RFX7: variants seen among roughly 807,000 people sequenced by gnomAD.
RFX7 encodes DNA-binding protein RFX7.
Under a neutral mutation model 111.8 loss-of-function variants are expected in RFX7, and 26 were observed. The observed-to-expected ratio is 0.23, with a 90% CI of 0.17 to 0.32. The LOEUF (loss-of-function observed/expected upper bound fraction) is 0.32, where lower values mean the gene tolerates loss of function less well. RFX7 is among the 10% of genes least tolerant of loss of function. The probability of loss-of-function intolerance (pLI) is 1.00; values close to 1 mark genes in which losing one functional copy is unlikely to be tolerated. For missense variants in RFX7, 1,573 were observed against 1,772.9 expected (o/e 0.89, Z 2.02); for synonymous variants, 624 against 624.4 (o/e 1.00, Z 0.01).
chr15:56,243,815 G>A lies in RFX7; in HGVS notation c.-373C>T, dbSNP rs1348468010. 4.1e-5 allele frequency among the ~76,000 whole-genome samples: 6 copies of A among 146,994 alleles called. No individual in the cohort carries two copies. Among genetic ancestry groups the A allele is most frequent in the Non-Finnish European group, 9.1e-5 (6 of 66,068 alleles). On this transcript the variant is annotated 5_prime_UTR_variant, in exon 1 of 10. Transcript: ENST00000559447. ...GCCGCCGCCGCCGCCGCTCGCTCCC[G>A]GCCCCGCCGCCGCCGCGGCCGCCGC... is the stretch of plus-strand genomic sequence containing the variant.
intron 2 of RFX7, among the ~76,000 whole-genome samples, chr15:56,217,366 C>T (rs2043373101): frequency 6.6e-6 from 1 of 152,126 alleles, no homozygotes; most frequent in Admixed American, 6.5e-5. Context: ...AGAGCTTTCA[C>T]CCCTAGAACC....
chr15:56,235,731 A>G (rs1426870902), intron 2 of RFX7, among the ~76,000 whole-genome samples: 1 of 152,210 alleles, frequency 6.6e-6, no homozygotes, highest in Non-Finnish European at 1.5e-5. Context: ...TGCCCTTGCT[A>G]GAAATATCAC....
chr15:56,217,060 T>C (rs1427442452), intron 2 of RFX7, among the ~76,000 whole-genome samples: 1 of 152,198 alleles, frequency 6.6e-6, no homozygotes. Context: ...TTAGAAAGAA[T>C]AGTACAACCA....
chr15:56,167,537 T>G (rs1421558666), intron 3 of RFX7, among the ~76,000 whole-genome samples: 1 of 152,188 alleles, frequency 6.6e-6, no homozygotes, highest in African/African-American at 2.4e-5. Flanking sequence ...GCTTTACAAG[T>G]GTATTATGAC....
chr15:56,159,715 C>T (rs527569041), intron 3 of RFX7, among the ~76,000 whole-genome samples: 4 of 152,190 alleles, frequency 2.6e-5, no homozygotes, highest in African/African-American at 7.2e-5. Flanking sequence ...ACTAATTTTT[C>T]GGTGTTCCTG....
intron 2 of RFX7, among the ~76,000 whole-genome samples, chr15:56,186,578 C>CT (rs1383313501): frequency 2.0e-5 from 3 of 151,762 alleles, no homozygotes; most frequent in Admixed American, 1.3e-4. Context: ...GTCTAGGAGT[C>CT]TTTTATTATA....
chr15:56,105,596 A>C (rs542085204), intron 5 of RFX7, among the ~76,000 whole-genome samples: 1 of 152,306 alleles, frequency 6.6e-6, no homozygotes, highest in Non-Finnish European at 1.5e-5. Context: ...TTGAGAGATA[A>C]TATATCCATT....
At chr15:56,111,228 T>C (rs1217942112) in intron 5 of RFX7, among the ~76,000 whole-genome samples, 5 of 147,594 alleles carry the variant, frequency 3.4e-5, no homozygotes, top group Admixed American at 6.8e-5. Flanking sequence ...GGGGAAAAGA[T>C]TGAGAAATCG....
chr15:56,191,287 AT>A (rs1158076407), intron 2 of RFX7, among the ~76,000 whole-genome samples: 3 of 152,222 alleles, frequency 2.0e-5, no homozygotes, highest in African/African-American at 7.2e-5. Flanking sequence ...ATATATGAAA[AT>A]TCAAGTAAAT....
intron 2 of RFX7, among the ~76,000 whole-genome samples, chr15:56,223,580 G>A (rs1420802936): frequency 6.6e-6 from 1 of 152,032 alleles, no homozygotes; most frequent in Non-Finnish European, 1.5e-5. Context: ...GGCTGGTCCT[G>A]GAAGTTAAAA....
intron 5 of RFX7, among the ~76,000 whole-genome samples, chr15:56,139,247 G>T (rs2042351732): frequency 6.6e-6 from 1 of 150,554 alleles, no homozygotes; most frequent in Non-Finnish European, 1.5e-5. Flanking sequence ...TCACTTTCAG[G>T]TACACCAATC....
At chr15:56,209,992 T>C (rs996390582) in intron 2 of RFX7, among the ~76,000 whole-genome samples, 1 of 151,644 alleles carries the variant, frequency 6.6e-6, no homozygotes, top group African/African-American at 2.4e-5. Flanking sequence ...AAATAATTAC[T>C]TTGAATGTCA....
intron 3 of RFX7, among the ~76,000 whole-genome samples, chr15:56,159,938 G>A (rs1253767226): frequency 1.3e-5 from 2 of 152,210 alleles, no homozygotes; most frequent in African/African-American, 4.8e-5. Context: ...CTGTGAAAAA[G>A]TGAAGCATCA....
chr15:56,139,438 A>G (rs889588701), intron 5 of RFX7, among the ~76,000 whole-genome samples: 1 of 152,148 alleles, frequency 6.6e-6, no homozygotes, highest in Non-Finnish European at 1.5e-5. Context: ...TTCTTCACGT[A>G]GCTCTCGAAC....
intron 3 of RFX7, among the ~76,000 whole-genome samples, chr15:56,148,095 T>C (rs1162582197): frequency 6.6e-6 from 1 of 152,204 alleles, no homozygotes; most frequent in African/African-American, 2.4e-5. Context: ...TTTCATACTA[T>C]TGCAGTTGAA....
chr15:56,120,575 G>C (rs545914039), intron 5 of RFX7, among the ~76,000 whole-genome samples: 34 of 152,282 alleles, frequency 2.2e-4, no homozygotes, highest in African/African-American at 7.2e-4. Context: ...CCAGATCTTA[G>C]AGGAAAGGCT....
intron 5 of RFX7, among the ~76,000 whole-genome samples, chr15:56,109,853 C>T (rs2041888662): frequency 6.6e-6 from 1 of 151,954 alleles, no homozygotes; most frequent in Non-Finnish European, 1.5e-5. Context: ...CGCCCGGCAG[C>T]CACCCCGTCT....
At chr15:56,152,726 G>A (rs1230650422) in intron 3 of RFX7, among the ~76,000 whole-genome samples, 9 of 145,688 alleles carry the variant, frequency 6.2e-5, no homozygotes, top group African/African-American at 1.8e-4. Flanking sequence ...AGGAGATGGA[G>A]ACACAAAAAA....
intron 3 of RFX7, among the ~76,000 whole-genome samples, chr15:56,159,748 G>A: frequency 6.6e-6 from 1 of 152,108 alleles, no homozygotes; most frequent in East Asian, 1.9e-4. Flanking sequence ...ATCTGTTTCT[G>A]AACTGTCAAT....
Sources: allele counts gnomAD v4.1 joint callset (sites outside exome capture counted in the v4.1 genomes callset), GRCh38; gene constraint gnomAD v4.1.1; transcripts MANE v1.5; gene names NCBI Gene and HGNC (gene_info 2026-07-23, HGNC 2026-07-21).